The following TNKS variants were observed in gnomAD, a reference collection of about 807,000 sequenced individuals.
TNKS encodes tankyrase, also known as poly [ADP-ribose] polymerase tankyrase-1.
Under a neutral mutation model 135.8 loss-of-function variants are expected in TNKS, and 72 were observed. The ratio of observed to expected loss-of-function variants is 0.53; its 90% CI spans 0.44 to 0.64. The LOEUF (loss-of-function observed/expected upper bound fraction) is 0.64. TNKS is among the 30% of genes least tolerant of loss of function. The pLI is 0.00. For synonymous variants in TNKS, 849 were observed against 649.3 expected (o/e 1.31, Z -4.68); for missense variants, 1,769 against 1,674.0 (o/e 1.06, Z -0.99).
chr8:9,588,387 G>T (rs1288203241), intron 2 of TNKS, among the ~76,000 whole-genome samples: 2 of 151,872 alleles, frequency 1.3e-5, no homozygotes, highest in Non-Finnish European at 2.9e-5. Flanking sequence ...CCATGCTCTT[G>T]CCTCAGCCTC....
At chr8:9,660,457 C>T (rs1422997295) in intron 3 of TNKS, among the ~76,000 whole-genome samples, 2 of 152,166 alleles carry the variant, frequency 1.3e-5, no homozygotes, top group African/African-American at 4.8e-5. Flanking sequence ...AAACGTAATC[C>T]AGCATGTAAA....
intron 3 of TNKS, among the ~76,000 whole-genome samples, chr8:9,662,870 C>G (rs566384352): frequency 1.3e-5 from 2 of 152,352 alleles, no homozygotes; most frequent in Admixed American, 1.3e-4. Flanking sequence ...AGGCAGAATA[C>G]TAGCCCCCAT....
At chr8:9,753,539 A>T (rs1433464519) in intron 20 of TNKS, among the ~76,000 whole-genome samples, 1 of 152,224 alleles carries the variant, frequency 6.6e-6, no homozygotes, top group South Asian at 2.1e-4. Context: ...TACTGTTTTC[A>T]TACAGGATAA....
intron 3 of TNKS, among the ~76,000 whole-genome samples, chr8:9,675,759 G>C (rs1361500961): frequency 6.6e-6 from 1 of 152,010 alleles, no homozygotes; most frequent in Non-Finnish European, 1.5e-5. Context: ...GTTAGTTTGT[G>C]CTCACATTTT....
chr8:9,604,167 C>T (rs1799131103), intron 2 of TNKS, among the ~76,000 whole-genome samples: 1 of 152,122 alleles, frequency 6.6e-6, no homozygotes, highest in Admixed American at 6.5e-5. Context: ...ATTATAGGCA[C>T]ATTACCTCAG....
intron 5 of TNKS, among the ~76,000 whole-genome samples, chr8:9,690,113 T>A (rs1301737746): frequency 6.6e-6 from 1 of 152,222 alleles, no homozygotes; most frequent in African/African-American, 2.4e-5. Flanking sequence ...CTATTTCTCA[T>A]TCGATGATGA....
chr8:9,606,440 T>G (rs1469612542), intron 2 of TNKS, among the ~76,000 whole-genome samples: 3 of 152,122 alleles, frequency 2.0e-5, no homozygotes. Context: ...GTATTCTTAT[T>G]CTAGTACTGC....
chr8:9,758,485 A>T (rs1473770931), intron 20 of TNKS, among the ~76,000 whole-genome samples: 1 of 152,214 alleles, frequency 6.6e-6, no homozygotes, highest in East Asian at 1.9e-4. Context: ...TAGCGTAGGT[A>T]GATCACTTAT....
chr8:9,605,606 C>G (rs1799187129), intron 2 of TNKS, among the ~76,000 whole-genome samples: 1 of 151,948 alleles, frequency 6.6e-6, no homozygotes, highest in Non-Finnish European at 1.5e-5. Flanking sequence ...TTTGTAATGC[C>G]CACAAGTAAT....
At chr8:9,726,014 G>A (rs187473899) in intron 12 of TNKS, among the ~76,000 whole-genome samples, 75 of 152,266 alleles carry the variant, frequency 4.9e-4, no homozygotes, top group Non-Finnish European at 8.2e-4. Context: ...TTAAACAAAT[G>A]TCTGTATTTA....
At chr8:9,649,857 GTTCT>G (rs1348171585) in intron 3 of TNKS, among the ~76,000 whole-genome samples, 1 of 141,458 alleles carries the variant, frequency 7.1e-6, no homozygotes, top group Non-Finnish European at 1.5e-5. Context: ...ATATACCACA[GTTCT>G]TTCTTTCTTT....
intron 3 of TNKS, among the ~76,000 whole-genome samples, chr8:9,643,402 T>C (rs1800792719): frequency 7.9e-6 from 1 of 126,924 alleles, no homozygotes. Flanking sequence ...TTGCTTTTTA[T>C]AAGAAGCTCA....
chr8:9,719,847 A>G (rs948553174), intron 11 of TNKS, among the ~76,000 whole-genome samples: 11 of 152,144 alleles, frequency 7.2e-5, no homozygotes, highest in Non-Finnish European at 1.6e-4. Flanking sequence ...GAATGTTTGA[A>G]TCCTCAAATC....
intron 1 of TNKS, chr8:9,574,994 C>T: frequency 1.0e-6 from 1 of 967,950 alleles, no homozygotes; most frequent in East Asian, 1.2e-4. Context: ...TGGAAAGATT[C>T]TAAGGAGCTC....
chr8:9,602,895 C>T (rs1799070260), intron 2 of TNKS, among the ~76,000 whole-genome samples: 1 of 152,250 alleles, frequency 6.6e-6, no homozygotes, highest in South Asian at 2.1e-4. Context: ...ATACTTAAAG[C>T]ATATCTCAAT....
chr8:9,632,971 T>C (rs961381072), intron 3 of TNKS, among the ~76,000 whole-genome samples: 5 of 152,152 alleles, frequency 3.3e-5, no homozygotes, highest in Non-Finnish European at 5.9e-5. Context: ...CCTCGTGATC[T>C]GCCCGCCTCG....
chr8:9,765,888 G>A (rs758695049), intron 24 of TNKS, 91 bp downstream of exon 24: 6 of 1,070,622 alleles, frequency 5.6e-6, no homozygotes, highest in East Asian at 2.4e-5. Flanking sequence ...ACTATAATAC[G>A]GTTGTGTTAA....
intron 1 of TNKS, 79 bp downstream of exon 1, chr8:9,556,691 G>C (rs945376407): frequency 3.0e-5 from 46 of 1,533,866 alleles, no homozygotes; most frequent in Non-Finnish European, 4.1e-5. Context: ...ACAGGTTATT[G>C]TGATGGGACA....
intron 25 of TNKS, 108 bp downstream of exon 25, chr8:9,766,533 C>G: frequency 5.6e-6 from 6 of 1,071,518 alleles, no homozygotes; most frequent in Non-Finnish European, 7.5e-6. Flanking sequence ...GTCACCCAGG[C>G]TGGAGTGCGG....
Sources: allele counts gnomAD v4.1 joint callset (sites outside exome capture counted in the v4.1 genomes callset), GRCh38; gene constraint gnomAD v4.1.1; transcripts MANE v1.5; gene names NCBI Gene and HGNC (gene_info 2026-07-23, HGNC 2026-07-21).